PDE11A: variants seen among roughly 807,000 people sequenced by gnomAD.
The protein encoded by PDE11A is phosphodiesterase 11A, also known as dual 3',5'-cyclic-AMP and -GMP phosphodiesterase 11A.
Under a neutral mutation model 100.5 loss-of-function variants are expected in PDE11A, and 100 were observed. The ratio of observed to expected loss-of-function variants is 1.00; its 90% CI spans 0.85 to 1.18. The LOEUF is 1.18. PDE11A is among the 50% of genes most tolerant of loss of function. The pLI is 0.00. For missense variants in PDE11A, 1,141 were observed against 1,152.6 expected, an observed-to-expected ratio of 0.99 and a Z score of 0.15; for synonymous variants, 381 against 420.8, an observed-to-expected ratio of 0.91 and a Z score of 1.16.
intron 2 of PDE11A, among the ~76,000 whole-genome samples, chr2:177,934,722 A>G (rs1290893968): frequency 6.6e-6 from 1 of 152,218 alleles, no homozygotes; most frequent in Non-Finnish European, 1.5e-5. Context: ...ATAGCAAAGC[A>G]TGGATTCAGC....
intron 2 of PDE11A, among the ~76,000 whole-genome samples, chr2:177,984,147 C>T (rs377623052): frequency 7.2e-5 from 11 of 152,162 alleles, no homozygotes; most frequent in East Asian, 5.8e-4. Flanking sequence ...AAATTTGAAA[C>T]GTAGACATGA....
intron 2 of PDE11A, among the ~76,000 whole-genome samples, chr2:177,914,061 C>T (rs1409649625): frequency 6.6e-6 from 1 of 152,148 alleles, no homozygotes; most frequent in Non-Finnish European, 1.5e-5. Flanking sequence ...AAAATCTTGT[C>T]TATCCGACAG....
At chr2:178,010,126 T>C (rs566640225) in intron 2 of PDE11A, among the ~76,000 whole-genome samples, 5 of 152,296 alleles carry the variant, frequency 3.3e-5, no homozygotes, top group African/African-American at 1.2e-4. Context: ...ACAACAACCA[T>C]GTGATGGAGG....
chr2:177,682,991 G>A (rs2080886829), intron 15 of PDE11A, among the ~76,000 whole-genome samples: 1 of 151,190 alleles, frequency 6.6e-6, no homozygotes. Flanking sequence ...AATCAGACTA[G>A]GATCTCAGAA....
chr2:177,946,051 T>TG lies in PDE11A; in HGVS notation c.1072-40865dup, dbSNP rs745374718. 9.9e-3 allele frequency among the ~76,000 whole-genome samples: 687 copies of TG among 69,074 alleles called. 1 individual carries two copies. Among genetic ancestry groups the TG allele is most frequent in the Non-Finnish European group, 0.012 (402 of 33,716 alleles). The allele number at this position is 69,074 out of a possible 152,430, so 45.3% of individuals were successfully genotyped here. A position where few individuals can be genotyped will look rare whatever the true frequency, so the allele number is the denominator to read the frequency against. On this transcript the variant is annotated intron_variant, in intron 2 of 19. Coordinates refer to ENST00000286063, the MANE Select transcript of PDE11A (RefSeq NM_016953.4). ...CCAGCCGCCCCGTCCGGGAGGGAGG[T>TG]GGGGGGGTCAGCCCCCCGCCTGGCC...
chr2:177,701,709 C>T (rs12989020), intron 13 of PDE11A, among the ~76,000 whole-genome samples: 24,630 of 152,118 alleles, frequency 0.16, 2,256 homozygotes, highest in Middle Eastern at 0.28. Flanking sequence ...TTATACAAAA[C>T]GTATTTGACC....
At chr2:178,038,720 G>C (rs896559134) in intron 1 of PDE11A, among the ~76,000 whole-genome samples, 4 of 152,206 alleles carry the variant, frequency 2.6e-5, no homozygotes, top group African/African-American at 9.6e-5. Flanking sequence ...TCTTTTCTTG[G>C]CTGGGAGGTA....
At chr2:177,861,562 G>A (rs951163308) in intron 5 of PDE11A, among the ~76,000 whole-genome samples, 1 of 151,832 alleles carries the variant, frequency 6.6e-6, no homozygotes, top group Non-Finnish European at 1.5e-5. Flanking sequence ...TGGAGAGATT[G>A]ACAAGTTGAT....
chr2:177,993,347 C>T (rs1015686500), intron 2 of PDE11A, among the ~76,000 whole-genome samples: 5 of 151,680 alleles, frequency 3.3e-5, no homozygotes, highest in South Asian at 2.1e-4. Flanking sequence ...TTTAAAATCT[C>T]GAAACCTCTT....
intron 2 of PDE11A, among the ~76,000 whole-genome samples, chr2:177,944,254 G>C (rs1418174727): frequency 6.6e-6 from 1 of 152,164 alleles, no homozygotes; most frequent in Non-Finnish European, 1.5e-5. Context: ...AAGAGGAAAG[G>C]TATTTTACCT....
At chr2:177,780,569 C>T (rs13421135) in intron 9 of PDE11A, among the ~76,000 whole-genome samples, 1,807 of 152,320 alleles carry the variant, frequency 0.012, 36 homozygotes, top group African/African-American at 0.041. Flanking sequence ...CAGTAGAAAG[C>T]TGTTTTGTCT....
intron 19 of PDE11A, among the ~76,000 whole-genome samples, chr2:177,649,746 GGAACTGGGT>G: frequency 6.6e-6 from 1 of 152,186 alleles, no homozygotes; most frequent in Non-Finnish European, 1.5e-5. Context: ...CCCAGTGAAA[GGAACTGGGT>G]GACTTGCAAA....
chr2:178,041,129 G>A (rs1412483787), intron 1 of PDE11A, among the ~76,000 whole-genome samples: 2 of 152,008 alleles, frequency 1.3e-5, no homozygotes, highest in East Asian at 1.9e-4. Flanking sequence ...TAGTAGATAC[G>A]AGGTCTCGCT....
chr2:177,958,088 A>G (rs2085589038), intron 2 of PDE11A, among the ~76,000 whole-genome samples: 1 of 151,918 alleles, frequency 6.6e-6, no homozygotes, highest in African/African-American at 2.4e-5. Flanking sequence ...ACGGGGTTTC[A>G]TCATGTTGGC....
chr2:177,724,015 C>T (rs1463307344), intron 12 of PDE11A, among the ~76,000 whole-genome samples: 3 of 151,970 alleles, frequency 2.0e-5, no homozygotes, highest in African/African-American at 7.2e-5. Context: ...AATATTTGTT[C>T]TATAAACTTC....
intron 13 of PDE11A, among the ~76,000 whole-genome samples, chr2:177,705,460 C>T (rs2081265019): frequency 6.6e-6 from 1 of 152,146 alleles, no homozygotes; most frequent in Non-Finnish European, 1.5e-5. Flanking sequence ...TCATGATGTG[C>T]ATTATTGATG....
chr2:178,083,241 A>G (rs1035258397), intron 2 of PDE11A, among the ~76,000 whole-genome samples: 4 of 151,838 alleles, frequency 2.6e-5, no homozygotes, highest in African/African-American at 9.7e-5. Flanking sequence ...CTGGGATTAC[A>G]GGCATCTGCC....
At chr2:177,667,672 C>T (rs2080610453) in intron 18 of PDE11A, among the ~76,000 whole-genome samples, 1 of 152,172 alleles carries the variant, frequency 6.6e-6, no homozygotes, top group African/African-American at 2.4e-5. Context: ...TATTAGTAAT[C>T]ATTTATTTCA....
chr2:177,820,512 C>A (rs1273353789), intron 6 of PDE11A, among the ~76,000 whole-genome samples: 2 of 151,822 alleles, frequency 1.3e-5, no homozygotes, highest in African/African-American at 4.8e-5. Context: ...ATGAATCAAC[C>A]AAATAAATCC....
Sources: allele counts gnomAD v4.1 joint callset (sites outside exome capture counted in the v4.1 genomes callset), GRCh38; gene constraint gnomAD v4.1.1; transcripts MANE v1.5; gene names NCBI Gene and HGNC (gene_info 2026-07-23, HGNC 2026-07-21).